The following HRH2 variants were observed in gnomAD, a reference collection of about 807,000 sequenced individuals.
HRH2 encodes the protein histamine H2 receptor.
A neutral mutation model predicts 20.1 loss-of-function variants in HRH2; 4 were observed. The observed-to-expected ratio is 0.20, with a 90% CI of 0.10 to 0.45. HRH2 has a LOEUF of 0.45. Ranked by LOEUF, HRH2 falls within the 20% of genes least tolerant of loss-of-function variation. HRH2 has a pLI of 0.99. For synonymous variants in HRH2, 197 were observed against 200.7 expected, an observed-to-expected ratio of 0.98 and a Z score of 0.16; for missense variants, 250 against 461.6, an observed-to-expected ratio of 0.54 and a Z score of 4.20.
chr5:175,678,915 G>C (rs991214774), intron 1 of HRH2, among the ~76,000 whole-genome samples: 1 of 152,210 alleles, frequency 6.6e-6, no homozygotes, highest in African/African-American at 2.4e-5. Flanking sequence ...TTTCATAAAC[G>C]TGGAGGGGGA....
chr5:175,673,839 G>C (rs75786870), intron 1 of HRH2, among the ~76,000 whole-genome samples: 7,871 of 151,786 alleles, frequency 0.052, 695 homozygotes, highest in African/African-American at 0.18. Context: ...CGAGTAGCTT[G>C]GATTACAGAT....
At chr5:175,663,303 G>A (rs924648117) in intron 1 of HRH2, among the ~76,000 whole-genome samples, 8 of 152,174 alleles carry the variant, frequency 5.3e-5, no homozygotes, top group Non-Finnish European at 1.5e-5. Flanking sequence ...GTGCACGGAG[G>A]TCCCAGTCCT....
chr5:175,688,354 C>T (rs1026237016), intron 2 of HRH2, among the ~76,000 whole-genome samples: 4 of 152,202 alleles, frequency 2.6e-5, no homozygotes, highest in Non-Finnish European at 4.4e-5. Flanking sequence ...TTGGTCCCTG[C>T]CCCCTGTCCT....
At chr5:175,699,576 G>GT (rs1289216078) in intron 2 of HRH2, among the ~76,000 whole-genome samples, 56 of 137,230 alleles carry the variant, frequency 4.1e-4, no homozygotes, top group African/African-American at 1.9e-3. Flanking sequence ...TTTTTGTTTT[G>GT]TTTGTTTGTT....
intron 2 of HRH2, among the ~76,000 whole-genome samples, chr5:175,698,266 C>G (rs1215320444): frequency 3.3e-5 from 5 of 152,238 alleles, no homozygotes; most frequent in Non-Finnish European, 4.4e-5. Flanking sequence ...ATCTCCGTAT[C>G]CCTCGTATTA....
intron 1 of HRH2, among the ~76,000 whole-genome samples, chr5:175,678,047 T>A (rs1344960869): frequency 6.6e-6 from 1 of 152,196 alleles, no homozygotes; most frequent in Non-Finnish European, 1.5e-5. Context: ...CGAATATCGC[T>A]TCCTTGGGGA....
At position 175,709,520 on chromosome 5, in the gene HRH2, A is replaced by AGCTGCGTGCCTGCC. The variant is rs1757034351; in HGVS notation, c.*1550_*1563dup. On this transcript the variant is annotated 3_prime_UTR_variant, in exon 3 of 3. Coordinates refer to ENST00000636584, the MANE Select transcript of HRH2 (RefSeq NM_001367711.1). Reference sequence around the variant, plus strand: ...AGCGTGTCTGCAGCTGCGTGCCTGCAGCTGCGTGCCTGCCTTCTCCCTGCA... The same window carrying AGCTGCGTGCCTGCC: ...AGCGTGTCTGCAGCTGCGTGCCTGCAGCTGCGTGCCTGCCGCTGCGTGCCTGCCTTCTCCCTGCA... The AGCTGCGTGCCTGCC allele has an allele frequency of 7.1e-6, 1 of 141,102 alleles. No individual in the cohort carries two copies. The highest frequency in any genetic ancestry group is 2.1e-4 in the South Asian group (1 of 4,808). 8.7% of individuals were successfully genotyped at this position (141,102 alleles called of 1,614,324 possible).
intron 2 of HRH2, among the ~76,000 whole-genome samples, chr5:175,697,991 A>T (rs116099037): frequency 6.6e-6 from 1 of 152,184 alleles, no homozygotes; most frequent in Admixed American, 6.5e-5. Flanking sequence ...ATGGCCATAC[A>T]ATCTTGCTGG....
At chr5:175,675,566 A>G (rs1310101476) in intron 1 of HRH2, among the ~76,000 whole-genome samples, 1 of 152,156 alleles carries the variant, frequency 6.6e-6, no homozygotes, top group South Asian at 2.1e-4. Context: ...TTGAGAGGAG[A>G]GGATGGGCCC....
chr5:175,698,058 GCA>G (rs1756663668), intron 2 of HRH2, among the ~76,000 whole-genome samples: 1 of 152,252 alleles, frequency 6.6e-6, no homozygotes, highest in Admixed American at 6.5e-5. Context: ...GCACTGGAGC[GCA>G]CACACGCTCT....
At chr5:175,674,344 C>G (rs368999841) in intron 1 of HRH2, among the ~76,000 whole-genome samples, 2 of 152,196 alleles carry the variant, frequency 1.3e-5, no homozygotes, top group African/African-American at 2.4e-5. Context: ...ATGACAATCT[C>G]GCTATGCAGA....
intron 1 of HRH2, among the ~76,000 whole-genome samples, chr5:175,662,299 T>G (rs997330597): frequency 6.6e-6 from 1 of 152,192 alleles, no homozygotes; most frequent in Non-Finnish European, 1.5e-5. Context: ...AAGACATTTG[T>G]CAACATCTGG....
chr5:175,673,201 T>A (rs1235631248), intron 1 of HRH2, among the ~76,000 whole-genome samples: 2 of 151,952 alleles, frequency 1.3e-5, no homozygotes, highest in Admixed American at 6.6e-5. Flanking sequence ...GAACTAGGAC[T>A]AGGACGGGGG....
intron 2 of HRH2, chr5:175,685,794 C>A: frequency 2.3e-6 from 1 of 428,952 alleles, no homozygotes; most frequent in Non-Finnish European, 4.2e-6. Context: ...GACATAAGTC[C>A]ACGCTGGAGC....
chr5:175,700,871 G>T (rs1330600948), intron 2 of HRH2, among the ~76,000 whole-genome samples: 1 of 152,154 alleles, frequency 6.6e-6, no homozygotes, highest in African/African-American at 2.4e-5. Flanking sequence ...CTGGGCGACA[G>T]AGCAAGACTC....
chr5:175,664,565 G>A (rs1458065660), intron 1 of HRH2, among the ~76,000 whole-genome samples: 1 of 152,200 alleles, frequency 6.6e-6, no homozygotes, highest in African/African-American at 2.4e-5. Context: ...GGGGCAGGCA[G>A]TAGAGGAATC....
intron 2 of HRH2, among the ~76,000 whole-genome samples, chr5:175,684,552 G>A (rs1756100973): frequency 2.0e-5 from 3 of 152,216 alleles, no homozygotes; most frequent in Admixed American, 1.3e-4. Context: ...CACAGCTGGG[G>A]CCTGAAGAGC....
chr5:175,703,481 A>ATT (rs1408522674), intron 2 of HRH2, among the ~76,000 whole-genome samples: 1 of 152,196 alleles, frequency 6.6e-6, no homozygotes, highest in Non-Finnish European at 1.5e-5. Flanking sequence ...CAAATTTGAA[A>ATT]TTTAACGATT....
At chr5:175,707,321 T>C (rs546899709) in intron 2 of HRH2, among the ~76,000 whole-genome samples, 26 of 152,244 alleles carry the variant, frequency 1.7e-4, no homozygotes, top group South Asian at 4.2e-4. Flanking sequence ...TGTCAGCTAC[T>C]CGGGAGGCTG....
Sources: allele counts gnomAD v4.1 joint callset (sites outside exome capture counted in the v4.1 genomes callset), GRCh38; gene constraint gnomAD v4.1.1; transcripts MANE v1.5; gene names NCBI Gene and HGNC (gene_info 2026-07-23, HGNC 2026-07-21).